The following MAML3 variants were observed in gnomAD, a reference collection of about 807,000 sequenced individuals.
MAML3 encodes mastermind like transcriptional coactivator 3, also known as mastermind-like protein 3.
A neutral mutation model predicts 101.9 loss-of-function variants in MAML3; 27 were observed. The observed-to-expected ratio is 0.27, with a 90% CI of 0.20 to 0.37. The LOEUF is 0.37. MAML3 is among the 10% of genes least tolerant of loss of function. The pLI is 1.00. For missense variants in MAML3, 1,316 were observed against 1,444.9 expected (o/e 0.91, Z 1.45); for synonymous variants, 501 against 555.9 (o/e 0.90, Z 1.39).
At chr4:140,009,663 T>C (rs575887776) in intron 1 of MAML3, among the ~76,000 whole-genome samples, 8 of 152,340 alleles carry the variant, frequency 5.3e-5, no homozygotes, top group South Asian at 2.1e-4. Flanking sequence ...TTTAATTGCA[T>C]TGATTTAATT....
intron 2 of MAML3, among the ~76,000 whole-genome samples, chr4:139,882,064 G>A (rs1578645002): frequency 1.3e-5 from 2 of 151,982 alleles, no homozygotes; most frequent in Admixed American, 6.6e-5. Flanking sequence ...TATAGAAAGA[G>A]CCTATGGAAA....
chr4:140,037,114 A>G (rs1433267526), intron 1 of MAML3, among the ~76,000 whole-genome samples: 1 of 152,170 alleles, frequency 6.6e-6, no homozygotes, highest in East Asian at 1.9e-4. Context: ...TGACGATCAT[A>G]TAACACAGTT....
intron 1 of MAML3, among the ~76,000 whole-genome samples, chr4:140,056,316 G>A (rs2110930095): frequency 6.6e-6 from 1 of 151,778 alleles, no homozygotes; most frequent in South Asian, 2.1e-4. Flanking sequence ...TCAAGTCCTG[G>A]CACACAGCAT....
intron 1 of MAML3, among the ~76,000 whole-genome samples, chr4:140,038,153 G>A (rs79330859): frequency 0.019 from 2,893 of 152,258 alleles, 83 homozygotes; most frequent in South Asian, 0.12. Context: ...AAATGCACTC[G>A]GAAATGCTGA....
rs557053442 is a variant in MAML3, at chr4:139,981,752, G to A, written c.469-90785C>T. On this transcript the variant is annotated intron_variant, in intron 1 of 4. Coordinates refer to ENST00000509479, the MANE Select transcript of MAML3 (RefSeq NM_018717.5). ...TATAGATAACCAGTTTGGAGAGGAT[G>A]GGCCAGCTATTTGGAGACTGACAAG... 2.0e-5 allele frequency among the ~76,000 whole-genome samples: 3 copies of A among 152,242 alleles called. No individual in the cohort carries two copies. In the East Asian group the frequency reaches 5.8e-4, roughly 29 times the overall value.
At chr4:140,049,081 G>C (rs961952607) in intron 1 of MAML3, among the ~76,000 whole-genome samples, 5 of 152,156 alleles carry the variant, frequency 3.3e-5, no homozygotes, top group African/African-American at 2.4e-5. Context: ...AACACAGGCA[G>C]TTTGGGGGCA....
At position 139,719,294 on chromosome 4, in the gene MAML3, C is replaced by T. The variant is rs191652555; in HGVS notation, c.*29G>A. 135 of 1,534,792 alleles carry T rather than the reference C, an allele frequency of 8.8e-5. No individual in the cohort carries two copies. The highest frequency in any genetic ancestry group is 7.3e-4 in the East Asian group (32 of 44,082). ...TTTCACTTTTTAAGCTTTAACCACT[C>T]GAGTTGTGGATCTTGGGGCCTCTCT... On this transcript the variant is annotated 3_prime_UTR_variant, in exon 5 of 5. Coordinates refer to ENST00000509479, the MANE Select transcript of MAML3 (RefSeq NM_018717.5).
chr4:139,731,835 C>G (rs1283509539), intron 2 of MAML3, among the ~76,000 whole-genome samples: 1 of 152,180 alleles, frequency 6.6e-6, no homozygotes, highest in Non-Finnish European at 1.5e-5. Context: ...ATGCTCTGAG[C>G]TGGACAGTGT....
intron 1 of MAML3, among the ~76,000 whole-genome samples, chr4:140,121,561 AG>A (rs1728606301): frequency 6.6e-6 from 1 of 152,252 alleles, no homozygotes; most frequent in African/African-American, 2.4e-5. Flanking sequence ...CCACTGATTT[AG>A]CCTACGCTGA....
intron 1 of MAML3, among the ~76,000 whole-genome samples, chr4:140,074,262 A>AAAGAAAGG (rs1727730089): frequency 3.3e-5 from 5 of 151,338 alleles, no homozygotes; most frequent in Middle Eastern, 6.8e-3. Context: ...AGAAAGAAAG[A>AAAGAAAGG]GGACATGTGT....
At chr4:139,818,151 G>A (rs931876606) in intron 2 of MAML3, among the ~76,000 whole-genome samples, 4 of 152,128 alleles carry the variant, frequency 2.6e-5, no homozygotes, top group African/African-American at 9.7e-5. Context: ...CTAGAACCAC[G>A]CTTGGAGAAT....
At chr4:139,867,917 A>T (rs1295843568) in intron 2 of MAML3, among the ~76,000 whole-genome samples, 1 of 152,220 alleles carries the variant, frequency 6.6e-6, no homozygotes, top group Non-Finnish European at 1.5e-5. Flanking sequence ...CTCTTAAACA[A>T]AAATCAGTGA....
intron 2 of MAML3, among the ~76,000 whole-genome samples, chr4:139,864,674 CAAAAAAA>C (rs70943450): frequency 5.8e-5 from 4 of 69,502 alleles, no homozygotes; most frequent in South Asian, 1.3e-3. Flanking sequence ...GGCTCCGTCT[CAAAAAAA>C]AAAAAAAAAA....
At chr4:139,998,872 C>T (rs1368108256) in intron 1 of MAML3, among the ~76,000 whole-genome samples, 1 of 152,040 alleles carries the variant, frequency 6.6e-6, no homozygotes, top group Non-Finnish European at 1.5e-5. Flanking sequence ...TCCTGGCTTC[C>T]TATTTGTTAC....
chr4:139,759,358 C>T (rs1729710678), intron 2 of MAML3, among the ~76,000 whole-genome samples: 1 of 152,224 alleles, frequency 6.6e-6, no homozygotes, highest in African/African-American at 2.4e-5. Flanking sequence ...CCTGCTGGAA[C>T]AGGCTGGTGT....
intron 1 of MAML3, among the ~76,000 whole-genome samples, chr4:140,101,162 T>A (rs998707921): frequency 1.5e-4 from 23 of 152,200 alleles, no homozygotes; most frequent in African/African-American, 5.5e-4. Context: ...AGCTGAGCCC[T>A]GCTTGAACAA....
At chr4:140,099,405 T>C (rs1220130445) in intron 1 of MAML3, among the ~76,000 whole-genome samples, 1 of 152,052 alleles carries the variant, frequency 6.6e-6, no homozygotes. Flanking sequence ...TTTCTTTCTG[T>C]CTTTGTTTTT....
At chr4:139,756,087 A>G (rs960575678) in intron 2 of MAML3, among the ~76,000 whole-genome samples, 2 of 152,232 alleles carry the variant, frequency 1.3e-5, no homozygotes, top group African/African-American at 4.8e-5. Context: ...GAAGAAAAAA[A>G]AGCAACTTTC....
At chr4:139,933,171 G>GGGAA (rs1453261017) in intron 1 of MAML3, among the ~76,000 whole-genome samples, 6 of 149,286 alleles carry the variant, frequency 4.0e-5, no homozygotes, top group Non-Finnish European at 7.4e-5. Flanking sequence ...GGAAAGAGTG[G>GGGAA]GGAAGGAAGG....
Sources: allele counts gnomAD v4.1 joint callset (sites outside exome capture counted in the v4.1 genomes callset), GRCh38; gene constraint gnomAD v4.1.1; transcripts MANE v1.5; gene names NCBI Gene and HGNC (gene_info 2026-07-23, HGNC 2026-07-21).